Variants in DOCK10 observed in about 807,000 individuals in gnomAD.
The protein encoded by DOCK10 is dedicator of cytokinesis protein 10.
DOCK10 carries 145 observed loss-of-function variants against 280.1 expected under a neutral mutation model. The observed-to-expected ratio is 0.52, with a 90% CI of 0.45 to 0.59. DOCK10 has a LOEUF of 0.59. DOCK10 is among the 20% of genes least tolerant of loss of function. The probability of loss-of-function intolerance (pLI) is 0.00; values close to 1 mark genes in which losing one functional copy is unlikely to be tolerated. For synonymous variants in DOCK10, 915 were observed against 942.2 expected (o/e 0.97, Z 0.53); for missense variants, 2,368 against 2,651.7 (o/e 0.89, Z 2.35).
chr2:225,031,576 C>T (rs1254998642), intron 1 of DOCK10, among the ~76,000 whole-genome samples: 1 of 152,120 alleles, frequency 6.6e-6, no homozygotes, highest in Non-Finnish European at 1.5e-5. Context: ...AGACAAAAGC[C>T]AGGGACAGAC....
intron 3 of DOCK10, among the ~76,000 whole-genome samples, chr2:224,909,292 A>G (rs936785263): frequency 1.7e-4 from 26 of 152,276 alleles, no homozygotes; most frequent in African/African-American, 6.0e-4. Flanking sequence ...AAGTGTTTAG[A>G]TATTTTTTAT....
At chr2:225,016,225 A>G (rs767670426) in intron 1 of DOCK10, among the ~76,000 whole-genome samples, 6 of 152,210 alleles carry the variant, frequency 3.9e-5, no homozygotes, top group Non-Finnish European at 8.8e-5. Flanking sequence ...ATATGTAAAG[A>G]GAAATGACAA....
chr2:225,013,183 G>A (rs1417713625), intron 1 of DOCK10, among the ~76,000 whole-genome samples: 2 of 152,068 alleles, frequency 1.3e-5, no homozygotes, highest in African/African-American at 4.8e-5. Context: ...TCACATCAGG[G>A]AGATTGCACA....
At chr2:224,943,093 T>A (rs1014746695) in intron 1 of DOCK10, among the ~76,000 whole-genome samples, 9 of 152,206 alleles carry the variant, frequency 5.9e-5, no homozygotes, top group East Asian at 3.9e-4. Context: ...GAAAGGCAGT[T>A]AAAAAGAAAA....
intron 1 of DOCK10, among the ~76,000 whole-genome samples, chr2:225,037,922 C>T (rs1202267684): frequency 2.6e-5 from 4 of 152,166 alleles, no homozygotes. Context: ...CATTGGCAGA[C>T]ACACAAGTAA....
chr2:224,877,289 A>C (rs1698686333), intron 7 of DOCK10, among the ~76,000 whole-genome samples: 4 of 152,240 alleles, frequency 2.6e-5, no homozygotes, highest in Non-Finnish European at 1.5e-5. Context: ...GTTTTGACAA[A>C]TACATGTCTC....
At chr2:224,798,888 C>G (rs983074658) in intron 41 of DOCK10, among the ~76,000 whole-genome samples, 1 of 152,162 alleles carries the variant, frequency 6.6e-6, no homozygotes, top group South Asian at 2.1e-4. Flanking sequence ...CCCTCCTTGG[C>G]CTCCCAAAGT....
At chr2:224,858,959 A>G (rs74950263) in intron 14 of DOCK10, among the ~76,000 whole-genome samples, 2,589 of 152,330 alleles carry the variant, frequency 0.017, 33 homozygotes, top group Non-Finnish European at 0.027. Flanking sequence ...GTGCAGAATG[A>G]AGCAGACATA....
At chr2:225,023,544 A>C (rs1689838995) in intron 1 of DOCK10, among the ~76,000 whole-genome samples, 1 of 152,228 alleles carries the variant, frequency 6.6e-6, no homozygotes, top group African/African-American at 2.4e-5. Context: ...CAAAAATCAA[A>C]AAGTCTGACA....
chr2:224,982,124 G>T (rs1056395532), intron 1 of DOCK10: 3 of 1,096,952 alleles, frequency 2.7e-6, no homozygotes, highest in Admixed American at 4.3e-5. Context: ...TTTATCTAAC[G>T]CTAAACACCA....
intron 4 of DOCK10, among the ~76,000 whole-genome samples, chr2:224,888,214 T>C (rs1427840912): frequency 6.7e-6 from 1 of 148,204 alleles, no homozygotes; most frequent in East Asian, 1.9e-4. Context: ...TATATTAATA[T>C]AGGCCTGTGT....
chr2:224,800,039 TAAG>T, intron 41 of DOCK10, 109 bp downstream of exon 41: 1 of 591,210 alleles, frequency 1.7e-6, no homozygotes, highest in Non-Finnish European at 3.0e-6. Context: ...TTGATTTATA[TAAG>T]GTTAATTGAT....
At chr2:224,864,174 T>C (rs1697713914) in intron 13 of DOCK10, among the ~76,000 whole-genome samples, 2 of 152,182 alleles carry the variant, frequency 1.3e-5, no homozygotes, top group South Asian at 2.1e-4. Context: ...ACATACAAAT[T>C]TGATAATTCA....
Position 224,800,156 on chromosome 2 carries a change from G to A in DOCK10, c.4501C>T (p.His1501Tyr), listed in dbSNP as rs767087963. ...AATGTTATCATCATATTCACCTGAT[G>A]AGTCTGTGTGAAGAGGGATAACAGG... ...LDLLSLFTQT[H>Y]QRQLQQCDCQ... The change falls in exon 41 of 56, where the codon CAT becomes TAT. Residue 1501 changes from histidine (H) to tyrosine (Y), a missense_variant. Physicochemically the swap from His to Tyr is moderately conservative, Grantham distance 83. Transcript: ENST00000258390. The A allele has an allele frequency of 5.1e-6, 8 of 1,582,226 alleles. No homozygotes were observed. Among genetic ancestry groups the A allele is most frequent in the South Asian group, 1.1e-5 (1 of 88,708 alleles).
At chr2:224,851,174 G>A (rs991829126) in intron 18 of DOCK10, among the ~76,000 whole-genome samples, 3 of 152,154 alleles carry the variant, frequency 2.0e-5, no homozygotes, top group African/African-American at 7.2e-5. Context: ...TTTGTCCAAA[G>A]CTCAGGACCC....
chr2:224,834,542 G>T (rs1695475945), intron 25 of DOCK10, among the ~76,000 whole-genome samples: 1 of 152,160 alleles, frequency 6.6e-6, no homozygotes, highest in African/African-American at 2.4e-5. Context: ...AACATGGAGG[G>T]CTTTGACCCA....
At chr2:224,798,634 CTTT>C (rs202006772) in intron 41 of DOCK10, among the ~76,000 whole-genome samples, 7 of 142,328 alleles carry the variant, frequency 4.9e-5, no homozygotes, top group Admixed American at 7.1e-5. Flanking sequence ...CTGGCTCAAT[CTTT>C]TTTTTTTTTT....
chr2:224,990,462 G>A (rs556046716), intron 1 of DOCK10, among the ~76,000 whole-genome samples: 5 of 152,258 alleles, frequency 3.3e-5, no homozygotes, highest in East Asian at 1.9e-4. Flanking sequence ...TAATATTCAC[G>A]TAAAGTGCTG....
chr2:224,838,918 G>T (rs1374425217), intron 24 of DOCK10, among the ~76,000 whole-genome samples: 1 of 152,064 alleles, frequency 6.6e-6, no homozygotes, highest in African/African-American at 2.4e-5. Flanking sequence ...TTAAAAAAAA[G>T]GTTCTTGTGG....
Sources: allele counts gnomAD v4.1 joint callset (sites outside exome capture counted in the v4.1 genomes callset), GRCh38; gene constraint gnomAD v4.1.1; transcripts MANE v1.5; gene names NCBI Gene and HGNC (gene_info 2026-07-23, HGNC 2026-07-21).